Variants in DNAH6 observed in about 807,000 individuals in gnomAD.
DNAH6 encodes dynein axonemal heavy chain 6, also known as axonemal beta dynein heavy chain 6.
DNAH6 carries 340 observed loss-of-function variants against 491.4 expected under a neutral mutation model. The observed-to-expected ratio is 0.69, with a 90% confidence interval of 0.63 to 0.76. The LOEUF is 0.76. Among genes scored for constraint, DNAH6 ranks in the 30% least tolerant of loss-of-function variants. DNAH6 has a pLI of 0.00. For synonymous variants in DNAH6, 1,603 were observed against 1,686.1 expected (o/e 0.95, Z 1.21); for missense variants, 4,443 against 4,972.2 (o/e 0.89, Z 3.20).
Position 84,544,486 on chromosome 2 carries a change from T to C in DNAH6, c.916T>C (p.Phe306Leu). The change falls in exon 5 of 77, where the codon TTC becomes CTC. Residue 306 changes from phenylalanine to leucine, a missense_variant. Coordinates refer to ENST00000389394, the MANE Select transcript of DNAH6 (RefSeq NM_001370.2). ...GCQKSLQKNL[F>L]IVNPHLRPAL... ...TCAAAAATCTCTACAAAAAAATTTG[T>C]TCATTGTTAATCCTGTATGTATTTA... 1 of 1,479,670 alleles carries C rather than the reference T, an allele frequency of 6.8e-7. No homozygotes were observed. Among genetic ancestry groups the C allele is most frequent in the Non-Finnish European group, 9.2e-7 (1 of 1,082,294 alleles). The allele number at this position is 1,479,670 out of a possible 1,614,324, so 91.7% of individuals were successfully genotyped here. A position where few individuals can be genotyped will look rare whatever the true frequency, so the allele number is the denominator to read the frequency against.
chr2:84,599,029 CAAAAAAA>C (rs35322585), intron 18 of DNAH6, among the ~76,000 whole-genome samples: 2 of 118,230 alleles, frequency 1.7e-5, no homozygotes, highest in African/African-American at 3.1e-5. Context: ...GACTCAGTTT[CAAAAAAA>C]AAAAAAAAAA....
chr2:84,480,260 G>A, the DNAH6 span, among the ~76,000 whole-genome samples: 1 of 152,206 alleles, frequency 6.6e-6, no homozygotes, highest in Non-Finnish European at 1.5e-5. Context: ...AGAATAATCA[G>A]TAGGTTTTTT....
chr2:84,796,550 C>A, intron 69 of DNAH6, 125 bp downstream of exon 69: 1 of 728,126 alleles, frequency 1.4e-6, no homozygotes, highest in South Asian at 3.9e-5. Context: ...CACACCCTAT[C>A]CCCATGCTTG....
At chr2:84,612,405 G>C (rs1430920354) in intron 22 of DNAH6, among the ~76,000 whole-genome samples, 2 of 152,060 alleles carry the variant, frequency 1.3e-5, no homozygotes, top group Non-Finnish European at 2.9e-5. Context: ...TGTGGCTGTT[G>C]AACTTCATGC....
intron 72 of DNAH6, among the ~76,000 whole-genome samples, chr2:84,810,334 T>A (rs1369613631): frequency 6.6e-6 from 1 of 152,240 alleles, no homozygotes; most frequent in African/African-American, 2.4e-5. Flanking sequence ...AATATTTGAA[T>A]GTACAAGTGA....
At chr2:84,718,462 A>G in intron 59 of DNAH6, 78 bp downstream of exon 59, 1 of 1,247,448 alleles carries the variant, frequency 8.0e-7, no homozygotes, top group Admixed American at 3.5e-5. Flanking sequence ...GGGTCCTGCA[A>G]GGGCTTTTAA....
intron 5 of DNAH6, among the ~76,000 whole-genome samples, chr2:84,545,942 T>C (rs1358170588): frequency 6.6e-6 from 1 of 152,152 alleles, no homozygotes; most frequent in Non-Finnish European, 1.5e-5. Context: ...AATTCACACA[T>C]CTGAAGTACA....
At chr2:84,757,781 C>G (rs925130238) in intron 63 of DNAH6, among the ~76,000 whole-genome samples, 11 of 152,302 alleles carry the variant, frequency 7.2e-5, no homozygotes, top group African/African-American at 2.4e-4. Context: ...TAACTCACTT[C>G]TATGGTACAG....
chr2:84,717,988 C>T (rs1697713681), intron 58 of DNAH6, among the ~76,000 whole-genome samples: 1 of 152,108 alleles, frequency 6.6e-6, no homozygotes, highest in African/African-American at 2.4e-5. Flanking sequence ...CTCTAAAATA[C>T]AAGATAAAAG....
At chr2:84,739,970 G>A (rs1014166951) in intron 62 of DNAH6, among the ~76,000 whole-genome samples, 2 of 151,680 alleles carry the variant, frequency 1.3e-5, no homozygotes, top group African/African-American at 4.8e-5. Context: ...GTATTGCTGG[G>A]GTTCTGCACT....
intron 33 of DNAH6, among the ~76,000 whole-genome samples, chr2:84,646,629 C>T (rs1174594084): frequency 6.6e-6 from 1 of 152,146 alleles, no homozygotes; most frequent in Non-Finnish European, 1.5e-5. Context: ...TTTTAGTGGT[C>T]TGGATAAAAG....
chr2:84,636,748 G>A (rs568524335), intron 30 of DNAH6, among the ~76,000 whole-genome samples: 66 of 152,122 alleles, frequency 4.3e-4, no homozygotes, highest in African/African-American at 1.3e-3. Flanking sequence ...TTAGTGGGGC[G>A]TGGTGGGGTG....
At chr2:84,727,617 C>G (rs1456778936) in intron 60 of DNAH6, 52 bp from the exon 61 acceptor site, 1 of 1,196,116 alleles carries the variant, frequency 8.4e-7, no homozygotes, top group African/African-American at 1.5e-5. Context: ...TTTTTGTTCT[C>G]TGCAGAGAAT....
the DNAH6 span, among the ~76,000 whole-genome samples, chr2:84,498,690 A>C: frequency 2.9e-4 from 44 of 152,108 alleles, no homozygotes; most frequent in Non-Finnish European, 4.4e-4. Context: ...GTCCCATCTC[A>C]GCACCTGCCC....
intron 58 of DNAH6, 106 bp downstream of exon 58, chr2:84,715,733 A>C (rs1697465471): frequency 1.9e-6 from 2 of 1,061,372 alleles, no homozygotes; most frequent in African/African-American, 3.2e-5. Flanking sequence ...TAAGAGCACT[A>C]CACATGAACC....
At chr2:84,647,228 T>C (rs1689986969) in intron 33 of DNAH6, among the ~76,000 whole-genome samples, 1 of 152,128 alleles carries the variant, frequency 6.6e-6, no homozygotes, top group Admixed American at 6.6e-5. Flanking sequence ...TTCATGAAGG[T>C]TTCTTCATGA....
intron 60 of DNAH6, 60 bp downstream of exon 60, chr2:84,722,864 A>C: frequency 9.7e-7 from 1 of 1,028,244 alleles, no homozygotes; most frequent in South Asian, 2.0e-5. Flanking sequence ...CACCTGTTGA[A>C]TTACTTCTTG....
chr2:84,730,092 A>G (rs969770022), intron 61 of DNAH6, among the ~76,000 whole-genome samples: 1 of 152,124 alleles, frequency 6.6e-6, no homozygotes, highest in African/African-American at 2.4e-5. Flanking sequence ...GGAAGGAGAT[A>G]CATGCCCGAT....
intron 62 of DNAH6, among the ~76,000 whole-genome samples, chr2:84,743,678 C>G (rs1167164092): frequency 6.6e-6 from 1 of 152,024 alleles, no homozygotes; most frequent in African/African-American, 2.4e-5. Context: ...AAAAATTAGC[C>G]TGGTGTGGTG....
Sources: allele counts gnomAD v4.1 joint callset (sites outside exome capture counted in the v4.1 genomes callset), GRCh38; gene constraint gnomAD v4.1.1; transcripts MANE v1.5; gene names NCBI Gene and HGNC (gene_info 2026-07-23, HGNC 2026-07-21).